CLCNKA: variants seen among roughly 807,000 people sequenced by gnomAD.
CLCNKA encodes chloride voltage-gated channel Ka, also known as chloride channel protein ClC-Ka.
CLCNKA carries 66 observed loss-of-function variants against 83.3 expected under a neutral mutation model. The observed-to-expected ratio is 0.79, with a 90% CI of 0.65 to 0.97. CLCNKA has a LOEUF of 0.97. Ranked by LOEUF, CLCNKA falls within the 50% of genes least tolerant of loss-of-function variation. The probability of loss-of-function intolerance (pLI) is 0.00; values close to 1 mark genes in which losing one functional copy is unlikely to be tolerated. For missense variants in CLCNKA, 806 were observed against 888.7 expected, an observed-to-expected ratio of 0.91 and a Z score of 1.18; for synonymous variants, 357 against 370.4, an observed-to-expected ratio of 0.96 and a Z score of 0.42.
In CLCNKA at chr1:16,032,187, C is replaced by G. The variant is rs1465329008; in HGVS notation, c.1757-16C>G. ...TTCATAATGCACCTCCCTCCCTCTC[C>G]CTCTCTACTTGCCAGAGTCCCAGAT... On this transcript the variant is annotated splice_polypyrimidine_tract_variant and intron_variant, in intron 16 of 19. Transcript: ENST00000331433. 5 of 1,608,392 alleles carry G rather than the reference C, an allele frequency of 3.1e-6. No homozygotes were observed. The highest frequency in any genetic ancestry group is 2.7e-5 in the African/African-American group (2 of 74,836).
intron 18 of CLCNKA, 24 bp downstream of exon 18, chr1:16,032,550 C>G: frequency 6.4e-7 from 1 of 1,573,246 alleles, no homozygotes; most frequent in East Asian, 2.2e-5. Context: ...GGGAGTGTGA[C>G]ACACGCAGCC....
chr1:16,023,977 C>A (rs758176567), intron 3 of CLCNKA, 49 bp downstream of exon 3: 23 of 1,610,924 alleles, frequency 1.4e-5, no homozygotes, highest in Non-Finnish European at 2.0e-5. Context: ...ATTCTAGGCA[C>A]GCTCTGGGGA....
rs780643767 is a variant in CLCNKA, at chr1:16,028,843, C to T, written c.1051C>T (p.Arg351Trp). The T allele has an allele frequency of 4.8e-5, 78 of 1,613,914 alleles. No individual in the cohort carries two copies. The highest frequency in any genetic ancestry group is 6.1e-5 in the Non-Finnish European group (72 of 1,180,002). Residue 351 changes from arginine (R) to tryptophan (W), a missense_variant and splice_region_variant, in exon 11 of 20, where the codon CGG becomes TGG. Arg to Trp is a moderately radical substitution (Grantham distance 101). Coordinates refer to ENST00000331433, the MANE Select transcript of CLCNKA (RefSeq NM_004070.4). ...TGGTGTGGGCCACTTCCTAGCTTCT[C>T]GGGTAAGGGGTCCTGAGCGGGGGTG... ...PPGVGHFLAS[R>W]LSMKQHLDSL...
chr1:16,033,083 T>C (rs1350742143), intron 18 of CLCNKA, 87 bp from the exon 19 acceptor site: 4 of 1,391,342 alleles, frequency 2.9e-6, no homozygotes, highest in African/African-American at 2.8e-5. Context: ...CCGCCCCTCT[T>C]CCTGGCTCAG....
rs377554658 is a variant in CLCNKA at position 16,029,165 on chromosome 1, C to T, written c.1093C>T (p.His365Tyr). 9.3e-6 allele frequency: 15 copies of T among 1,612,504 alleles called. No individual in the cohort carries two copies. In the Admixed American group the frequency reaches 1.2e-4, roughly 13 times the overall value. The change falls in exon 12 of 20, where the codon CAC becomes TAC. Residue 365 changes from histidine to tyrosine, a missense_variant. Coordinates refer to ENST00000331433, the MANE Select transcript of CLCNKA (RefSeq NM_004070.4). The part of the protein sequence containing the change: ...KQHLDSLFDN[H>Y]SWALMTQNSS... ...GCATCTGGACTCGCTGTTCGACAAC[C>T]ACTCCTGGGCGCTGATGACCCAGAA...
chr1:16,026,467 GGAAGCC>G, intron 5 of CLCNKA, 63 bp from the exon 6 acceptor site: 2 of 1,599,336 alleles, frequency 1.3e-6, no homozygotes, highest in Non-Finnish European at 1.7e-6. Context: ...GGTGTGGTGG[GGAAGCC>G]GTGCTGCCTC....
At position 16,029,301 on chromosome 1, in the gene CLCNKA, T is replaced by C. The variant is rs750772017; in HGVS notation, c.1227+2T>C. The stretch of plus-strand genomic sequence containing the variant: ...CTTGCCTTCTTCCTGGTTATGAAGG[T>C]GGGCCCCCTGACCCCCAGGTGTGCA... On this transcript the variant is annotated splice_donor_variant, in intron 12 of 19. Coordinates refer to ENST00000331433, the MANE Select transcript of CLCNKA (RefSeq NM_004070.4). LOFTEE classifies it high-confidence loss of function. 1.4e-5 allele frequency: 22 copies of C among 1,613,548 alleles called. No homozygotes were observed. Among genetic ancestry groups the C allele is most frequent in the Non-Finnish European group, 1.9e-5 (22 of 1,179,990 alleles).
intron 10 of CLCNKA, 29 bp from the exon 11 acceptor site, chr1:16,028,732 C>CA (rs2022488106): frequency 6.2e-7 from 1 of 1,612,648 alleles, no homozygotes; most frequent in Non-Finnish European, 8.5e-7. Context: ...AAGGGAGGGC[C>CA]AGCCCTAGAG....
chr1:16,027,610 C>T (rs1199658680), intron 8 of CLCNKA, among the ~76,000 whole-genome samples, 175 bp downstream of exon 8: 1 of 151,664 alleles, frequency 6.6e-6, no homozygotes, highest in African/African-American at 2.4e-5. Flanking sequence ...GTGTTGAGCC[C>T]CTGACCTGTG....
rs199920405 is a variant in CLCNKA at position 16,029,290 on chromosome 1, G to T, written c.1218G>T (p.Leu406=). 1 of 1,613,666 alleles carries T rather than the reference G, an allele frequency of 6.2e-7. No individual in the cohort carries two copies. The highest frequency in any genetic ancestry group is 8.5e-7 in the Non-Finnish European group (1 of 1,180,000). ...FTIFGTLAFF[L]VMKFWMLILA... ...TCTTTGGGACCCTTGCCTTCTTCCT[G>T]GTTATGAAGGTGGGCCCCCTGACCC... The change falls in exon 12 of 20, where the codon CTG becomes CTT. Residue 406 remains leucine, a synonymous_variant. Coordinates refer to ENST00000331433, the MANE Select transcript of CLCNKA (RefSeq NM_004070.4).
intron 1 of CLCNKA, 121 bp from the exon 2 acceptor site, chr1:16,022,492 A>C: frequency 1.5e-6 from 1 of 675,552 alleles, no homozygotes; most frequent in South Asian, 2.1e-5. Flanking sequence ...GTGTGATAAC[A>C]CACACACACA....
rs777133212 is a variant in CLCNKA, at chr1:16,026,735, G to A, written c.615G>A (p.Ala205=). 5 of 1,613,456 alleles carry A rather than the reference G, an allele frequency of 3.1e-6. No individual in the cohort carries two copies. The East Asian group carries it at 6.7e-5, about 22-fold the overall frequency. Residue 205 remains alanine, a synonymous_variant, in exon 7 of 20, where the codon GCG becomes GCA. Transcript: ENST00000331433. ...AAAACGAAATGCTGGTGGCAGCGGC[G>A]GCAGTGGGCGTGGCCACAGTCTTTG... ...SKQNEMLVAA[A]AVGVATVFAA...
Position 16,029,209 on chromosome 1 carries a change from C to T in CLCNKA, c.1137C>T (p.Pro379=), listed in dbSNP as rs374291415. ...LMTQNSSPPW[P]EELDPQHLWW... is the part of the protein sequence containing the mutation. The stretch of plus-strand genomic sequence containing the variant: ...CCCAGAACTCCAGCCCACCCTGGCC[C>T]GAGGAGCTCGACCCCCAGCACCTTT... Residue 379 remains proline, a synonymous_variant, in exon 12 of 20, where the codon CCC becomes CCT. Transcript: ENST00000331433. 29 of 1,613,468 alleles carry T rather than the reference C, an allele frequency of 1.8e-5. No individual in the cohort carries two copies. The highest frequency in any genetic ancestry group is 2.7e-5 in the African/African-American group (2 of 74,934).
intron 4 of CLCNKA, 142 bp downstream of exon 4, chr1:16,025,033 A>C: frequency 1.8e-6 from 2 of 1,127,060 alleles, no homozygotes; most frequent in South Asian, 2.6e-5. Flanking sequence ...GGCACACAGC[A>C]AGAAGGCCAG....
chr1:16,029,935 G>A (rs1426671217), intron 13 of CLCNKA, 30 bp from the exon 14 acceptor site: 2 of 1,602,866 alleles, frequency 1.2e-6, no homozygotes, highest in Middle Eastern at 1.7e-4. Flanking sequence ...GGGTCAGCCT[G>A]GCTCCCCCTC....
At chr1:16,032,650 T>A in intron 18 of CLCNKA, 124 bp downstream of exon 18, 1 of 778,434 alleles carries the variant, frequency 1.3e-6, no homozygotes, top group Non-Finnish European at 2.3e-6. Context: ...TTCCTGCTCC[T>A]CCTGGGCCTG....
intron 2 of CLCNKA, 37 bp downstream of exon 2, chr1:16,022,756 C>T (rs1484297168): frequency 7.2e-7 from 1 of 1,381,670 alleles, no homozygotes. Context: ...CGCGGGGGAC[C>T]ACTCAGGACA....
At chr1:16,029,891 G>T in intron 13 of CLCNKA, 74 bp from the exon 14 acceptor site, 1 of 1,603,614 alleles carries the variant, frequency 6.2e-7, no homozygotes, top group Non-Finnish European at 8.5e-7. Context: ...GTGGTACTAA[G>T]GATGGTCCTC....
chr1:16,023,796 C>T lies in CLCNKA; in HGVS notation c.101-4C>T. 2 of 1,614,028 alleles carry T rather than the reference C, an allele frequency of 1.2e-6. No homozygotes were observed. Among genetic ancestry groups the T allele is most frequent in the African/African-American group, 1.3e-5 (1 of 75,052 alleles). On this transcript the variant is annotated splice_polypyrimidine_tract_variant and splice_region_variant and intron_variant, in intron 2 of 19. Transcript: ENST00000331433. Reference sequence around the variant, plus strand: ...TAAGCTGGGACTCCGATACCCTGCCCCAGGTGGCCTGGAGTGGCTAAAGCA... The same window carrying T: ...TAAGCTGGGACTCCGATACCCTGCCTCAGGTGGCCTGGAGTGGCTAAAGCA...
Sources: gnomAD v4.1 joint callset for allele counts (sites outside exome capture counted in the v4.1 genomes callset) on GRCh38, gnomAD v4.1.1 for gene constraint, MANE v1.5 for transcripts, NCBI Gene and HGNC (gene_info 2026-07-23, HGNC 2026-07-21) for gene names.